MKLN1: variants seen among roughly 807,000 people sequenced by gnomAD.
MKLN1 encodes muskelin 1.
A neutral mutation model predicts 99.0 loss-of-function variants in MKLN1; 18 were observed. The ratio of observed to expected loss-of-function variants is 0.18; its 90% CI spans 0.13 to 0.27. MKLN1 has a LOEUF of 0.27. MKLN1 is among the 10% of genes least tolerant of loss of function. The probability of loss-of-function intolerance (pLI) is 1.00; values close to 1 mark genes in which losing one functional copy is unlikely to be tolerated. For synonymous variants in MKLN1, 288 were observed against 293.2 expected, an observed-to-expected ratio of 0.98 and a Z score of 0.18; for missense variants, 621 against 875.9, an observed-to-expected ratio of 0.71 and a Z score of 3.67.
chr7:131,356,540 A>G (rs569089215), intron 1 of MKLN1, among the ~76,000 whole-genome samples: 3 of 152,010 alleles, frequency 2.0e-5, no homozygotes, highest in African/African-American at 7.3e-5. Context: ...TGGTGGTTCT[A>G]TGGGTCTTGG....
At chr7:131,480,513 CA>C (rs1456671002) in intron 17 of MKLN1, among the ~76,000 whole-genome samples, 1 of 152,174 alleles carries the variant, frequency 6.6e-6, no homozygotes, top group African/African-American at 2.4e-5. Context: ...AAGGCAACTC[CA>C]GTCCTAAGTT....
At chr7:131,187,323 C>CT (rs67338403) in intron 2 of MKLN1, among the ~76,000 whole-genome samples, 123,814 of 147,084 alleles carry the variant, frequency 0.84, 52,049 homozygotes, top group East Asian at 0.95. Flanking sequence ...CTTCATTTGT[C>CT]TTTTTTTTTT....
intron 12 of MKLN1, among the ~76,000 whole-genome samples, chr7:131,453,818 A>G (rs1340126364): frequency 2.0e-5 from 3 of 152,180 alleles, no homozygotes; most frequent in African/African-American, 4.8e-5. Context: ...ATTTCCTACA[A>G]TGAACAAAAG....
chr7:131,432,826 T>C (rs2116449215), intron 9 of MKLN1, among the ~76,000 whole-genome samples: 1 of 152,346 alleles, frequency 6.6e-6, no homozygotes. Flanking sequence ...ATATGCTTCT[T>C]TATTCAGTTG....
intron 3 of MKLN1, among the ~76,000 whole-genome samples, chr7:131,297,434 C>CACAATGT (rs1304445984): frequency 1.4e-5 from 2 of 147,178 alleles, no homozygotes; most frequent in East Asian, 4.0e-4. Context: ...TGTGTACATA[C>CACAATGT]ACACACACAC....
At chr7:131,113,954 G>T (rs943489507) in intron 1 of MKLN1, among the ~76,000 whole-genome samples, 1 of 152,180 alleles carries the variant, frequency 6.6e-6, no homozygotes, top group African/African-American at 2.4e-5. Flanking sequence ...GGAGGGAACT[G>T]CCCCCATGAT....
At chr7:131,188,071 G>A (rs187893627) in intron 2 of MKLN1, among the ~76,000 whole-genome samples, 1 of 152,298 alleles carries the variant, frequency 6.6e-6, no homozygotes, top group East Asian at 1.9e-4. Context: ...TTGGTTCAGA[G>A]TCAATGTGGT....
intron 3 of MKLN1, among the ~76,000 whole-genome samples, chr7:131,275,621 G>A (rs1248368234): frequency 8.4e-6 from 1 of 119,434 alleles, no homozygotes; most frequent in African/African-American, 3.2e-5. Context: ...TAGTAGAGAC[G>A]GCTTTCACCA....
At chr7:131,175,234 G>A (rs1796280454) in intron 2 of MKLN1, among the ~76,000 whole-genome samples, 1 of 75,634 alleles carries the variant, frequency 1.3e-5, no homozygotes, top group Non-Finnish European at 2.6e-5. Context: ...GAGAGAGATA[G>A]AATGGATGGA....
chr7:131,280,489 A>G (rs996328525), intron 3 of MKLN1, among the ~76,000 whole-genome samples: 3 of 152,180 alleles, frequency 2.0e-5, no homozygotes, highest in Non-Finnish European at 2.9e-5. Flanking sequence ...TATTATAGCC[A>G]TCCTTGTGGT....
intron 3 of MKLN1, among the ~76,000 whole-genome samples, chr7:131,263,702 G>A (rs1360333003): frequency 6.6e-6 from 1 of 151,570 alleles, no homozygotes; most frequent in Non-Finnish European, 1.5e-5. Context: ...CCCAAGTACT[G>A]GGGACTACAG....
At chr7:131,443,810 C>A in intron 11 of MKLN1, 108 bp downstream of exon 11, 1 of 832,870 alleles carries the variant, frequency 1.2e-6, no homozygotes, top group Non-Finnish European at 1.9e-6. Flanking sequence ...GTAGCAATGA[C>A]AGAGAAAGAC....
intron 6 of MKLN1, among the ~76,000 whole-genome samples, chr7:131,402,887 A>C (rs1018242948): frequency 1.3e-5 from 2 of 152,184 alleles, no homozygotes; most frequent in African/African-American, 2.4e-5. Flanking sequence ...TTTGTAGAGC[A>C]CAGGCAGTAG....
chr7:131,337,240 A>T (rs960985265), intron 1 of MKLN1, among the ~76,000 whole-genome samples: 1 of 152,094 alleles, frequency 6.6e-6, no homozygotes, highest in Non-Finnish European at 1.5e-5. Context: ...GCACCTCTTG[A>T]ATTTGTAGTA....
intron 1 of MKLN1, among the ~76,000 whole-genome samples, chr7:131,341,233 T>C (rs990983926): frequency 2.0e-5 from 3 of 152,164 alleles, no homozygotes; most frequent in African/African-American, 7.2e-5. Flanking sequence ...TCTTCTACTT[T>C]AGGGTATTAG....
intron 1 of MKLN1, among the ~76,000 whole-genome samples, chr7:131,369,779 A>G (rs1172625825): frequency 2.6e-5 from 4 of 151,942 alleles, no homozygotes; most frequent in Non-Finnish European, 5.9e-5. Flanking sequence ...TGGCCCCTAC[A>G]TTTTTCCCCT....
At chr7:131,333,256 G>T (rs962907530) in intron 1 of MKLN1, among the ~76,000 whole-genome samples, 1 of 150,962 alleles carries the variant, frequency 6.6e-6, no homozygotes. Context: ...AAATTTTTTT[G>T]TAGAGATGGG....
intron 3 of MKLN1, among the ~76,000 whole-genome samples, chr7:131,217,739 A>G: frequency 6.6e-6 from 1 of 152,192 alleles, no homozygotes; most frequent in Admixed American, 6.5e-5. Flanking sequence ...TAGGCTCCTT[A>G]AAAGAGTGTT....
chr7:131,391,101 G>A (rs570481077), intron 4 of MKLN1, among the ~76,000 whole-genome samples: 26 of 151,676 alleles, frequency 1.7e-4, no homozygotes, highest in Admixed American at 2.0e-4. Flanking sequence ...GGAAAATATG[G>A]AACTAAAAGG....
Sources: gnomAD v4.1 joint callset for allele counts (sites outside exome capture counted in the v4.1 genomes callset) on GRCh38, gnomAD v4.1.1 for gene constraint, MANE v1.5 for transcripts, NCBI Gene and HGNC (gene_info 2026-07-23, HGNC 2026-07-21) for gene names.